Variants in SGCG observed in about 807,000 individuals in gnomAD.
SGCG encodes the protein gamma-sarcoglycan.
SGCG carries 26 observed loss-of-function variants against 29.3 expected under a neutral mutation model. That is an observed-to-expected ratio of 0.89 (90% confidence interval 0.65 to 1.23). The LOEUF (loss-of-function observed/expected upper bound fraction) is 1.23. Among genes scored for constraint, SGCG ranks in the 50% most tolerant of loss-of-function variants. The probability of loss-of-function intolerance (pLI) is 0.00; values close to 1 mark genes in which losing one functional copy is unlikely to be tolerated. For missense variants in SGCG, 353 were observed against 356.0 expected (o/e 0.99, Z 0.07); for synonymous variants, 145 against 129.7 (o/e 1.12, Z -0.80).
chr13:23,320,858 G>GT, intron 7 of SGCG, 98 bp downstream of exon 7: 1 of 1,301,126 alleles, frequency 7.7e-7, no homozygotes, highest in Non-Finnish European at 1.1e-6. Context: ...CTAGTAGTTT[G>GT]TAGGAAAACA....
Position 23,272,370 on chromosome 13 carries a change from C to T in SGCG, c.386-6989C>T, listed in dbSNP as rs1308653237. Among the ~76,000 whole-genome samples the T allele has an allele frequency of 3.9e-5, 6 of 152,272 alleles. No homozygotes were observed. In the East Asian group the frequency reaches 1.2e-3, roughly 29 times the overall value. ...AATGTTCATTGATCATAAATGTGTG[C>T]TGAATTTTGCCAAATACTTTTTCAG... On this transcript the variant is annotated intron_variant, in intron 4 of 7. Coordinates refer to ENST00000218867, the MANE Select transcript of SGCG (RefSeq NM_000231.3).
chr13:23,230,413 T>C (rs1420274144), intron 2 of SGCG, among the ~76,000 whole-genome samples: 2 of 152,232 alleles, frequency 1.3e-5, no homozygotes, highest in African/African-American at 2.4e-5. Flanking sequence ...TTCCTATCCA[T>C]GAGCATGGAA....
intron 6 of SGCG, among the ~76,000 whole-genome samples, chr13:23,296,701 T>A (rs1416979532): frequency 6.6e-6 from 1 of 152,154 alleles, no homozygotes; most frequent in Non-Finnish European, 1.5e-5. Flanking sequence ...TTGTGCCTAG[T>A]TTATCCGACT....
intron 6 of SGCG, among the ~76,000 whole-genome samples, chr13:23,299,443 TATATATATATA>T (rs1882051431): frequency 4.3e-4 from 10 of 23,052 alleles, no homozygotes; most frequent in East Asian, 1.4e-3. Flanking sequence ...TATATATATA[TATATATATATA>T]TATTTTTTTT....
chr13:23,203,778 T>G lies in SGCG; in HGVS notation c.84T>G (p.Ile28Met), dbSNP rs1031067187. The G allele has an allele frequency of 3.1e-6, 5 of 1,613,892 alleles. No individual in the cohort carries two copies. The African/African-American group carries it at 6.7e-5, about 22-fold the overall frequency. ...ATCAGTATGTCTACAAAATTGGCAT[T>G]TATGGCTGGAGAAAGCGCTGTCTCT... ...PENQYVYKIG[I>M]YGWRKRCLYL... The change falls in exon 2 of 8, where the codon ATT becomes ATG. Residue 28 changes from isoleucine (I) to methionine (M), a missense_variant. Ile to Met is a conservative substitution (Grantham distance 10). Transcript: ENST00000218867.
At position 23,287,060 on chromosome 13, in the gene SGCG, G is replaced by C. The variant is rs530565065; in HGVS notation, c.505+7582G>C. ...CCACTAGGGTAGGCAGAATTCTAAG[G>C]ATGCCCCCACTGAGCCCTGTATATT... On this transcript the variant is annotated intron_variant, in intron 5 of 7. Transcript: ENST00000218867. Among the ~76,000 whole-genome samples the C allele has an allele frequency of 2.6e-5, 4 of 152,310 alleles. No homozygotes were observed. In the South Asian group the frequency reaches 8.3e-4, roughly 32 times the overall value.
At chr13:23,219,748 A>AT (rs1412037977) in intron 2 of SGCG, among the ~76,000 whole-genome samples, 6 of 65,134 alleles carry the variant, frequency 9.2e-5, no homozygotes, top group African/African-American at 2.7e-4. Flanking sequence ...ATACACAATT[A>AT]TTATTTTTTT....
intron 3 of SGCG, among the ~76,000 whole-genome samples, 181 bp downstream of exon 3, chr13:23,234,893 AT>A (rs1399574409): frequency 1.3e-5 from 2 of 152,326 alleles, no homozygotes; most frequent in Admixed American, 6.5e-5. Context: ...CCTTCTAAAA[AT>A]ATTTCAATTT....
intron 6 of SGCG, among the ~76,000 whole-genome samples, chr13:23,317,012 C>T (rs1251679083): frequency 6.6e-6 from 1 of 152,090 alleles, no homozygotes; most frequent in African/African-American, 2.4e-5. Context: ...TGAGACCATC[C>T]TGGCTAACAC....
intron 2 of SGCG, among the ~76,000 whole-genome samples, chr13:23,217,841 T>G (rs1293657386): frequency 6.6e-6 from 1 of 152,010 alleles, no homozygotes; most frequent in Non-Finnish European, 1.5e-5. Context: ...AAATCAACCC[T>G]ACTCAATGGC....
At position 23,244,820 on chromosome 13, in the gene SGCG, TA is replaced by T. The variant is rs1340096514; in HGVS notation, c.298-5807del. 8.5e-5 allele frequency: 13 copies of T among 152,218 alleles called. No homozygotes were observed. In the East Asian group the frequency reaches 2.5e-3, roughly 29 times the overall value. 9.4% of individuals were successfully genotyped at this position (152,218 alleles called of 1,614,324 possible). A position where few individuals can be genotyped will look rare whatever the true frequency, so the allele number is the denominator to read the frequency against. On this transcript the variant is annotated intron_variant, in intron 3 of 7. Coordinates refer to ENST00000218867, the MANE Select transcript of SGCG (RefSeq NM_000231.3). ...ATCTCTAGAACACCAAGAACTGTGATAAAGAGTTGAAAAAAGGAGGAAACAT... is the reference window on the plus strand; with the variant it reads ...ATCTCTAGAACACCAAGAACTGTGATAAGAGTTGAAAAAAGGAGGAAACAT...
intron 5 of SGCG, among the ~76,000 whole-genome samples, chr13:23,281,882 C>CG (rs1285740708): frequency 3.9e-5 from 6 of 152,182 alleles, no homozygotes; most frequent in African/African-American, 1.4e-4. Flanking sequence ...GGCCAGTATC[C>CG]GTCTATGGCC....
Position 23,292,260 on chromosome 13 carries a change from C to T in SGCG, c.506-3155C>T, listed in dbSNP as rs147208475. On this transcript the variant is annotated intron_variant, in intron 5 of 7. Transcript: ENST00000218867. ...GAATAGCTGGGATTACAGGCGTGCGCCACCACACCTGGCTAATTTTTGTAT... is the reference window on the plus strand; with the variant it reads ...GAATAGCTGGGATTACAGGCGTGCGTCACCACACCTGGCTAATTTTTGTAT... 6.6e-4 allele frequency among the ~76,000 whole-genome samples: 101 copies of T among 152,310 alleles called. 3 individuals are homozygous for T. The East Asian group carries it at 0.017, about 25-fold the overall frequency.
intron 4 of SGCG, among the ~76,000 whole-genome samples, chr13:23,252,930 C>T (rs947815361): frequency 6.6e-6 from 1 of 152,174 alleles, no homozygotes; most frequent in African/African-American, 2.4e-5. Flanking sequence ...GCTTACTTCT[C>T]TCAGCCAGCT....
chr13:23,309,400 C>G (rs1027710638), intron 6 of SGCG, among the ~76,000 whole-genome samples: 1 of 152,096 alleles, frequency 6.6e-6, no homozygotes, highest in African/African-American at 2.4e-5. Context: ...CACCACCATA[C>G]CCAGCTTAGT....
intron 5 of SGCG, among the ~76,000 whole-genome samples, chr13:23,281,464 C>T: frequency 6.6e-6 from 1 of 151,994 alleles, no homozygotes; most frequent in South Asian, 2.1e-4. Flanking sequence ...TAGAGAGTCC[C>T]CAGTTGCTGC....
intron 3 of SGCG, among the ~76,000 whole-genome samples, chr13:23,247,480 T>C (rs777951805): frequency 3.9e-5 from 6 of 152,088 alleles, no homozygotes; most frequent in Non-Finnish European, 7.4e-5. Flanking sequence ...AGAAGAGAGT[T>C]TGATAGAATA....
At chr13:23,259,412 G>A (rs1453766774) in intron 4 of SGCG, among the ~76,000 whole-genome samples, 11 of 151,834 alleles carry the variant, frequency 7.2e-5, no homozygotes, top group East Asian at 3.9e-4. Context: ...TTTTTATTGC[G>A]TCTATTTGAT....
intron 6 of SGCG, among the ~76,000 whole-genome samples, chr13:23,314,382 T>TTATATATATATATATATATATGTA: frequency 1.3e-5 from 1 of 78,600 alleles, no homozygotes; most frequent in South Asian, 6.5e-4. Flanking sequence ...CTGCTATAGG[T>TTATATATATATATATATATATGTA]TATATATATA....
Sources: gnomAD v4.1 joint callset for allele counts (sites outside exome capture counted in the v4.1 genomes callset) on GRCh38, gnomAD v4.1.1 for gene constraint, MANE v1.5 for transcripts, NCBI Gene and HGNC (gene_info 2026-07-23, HGNC 2026-07-21) for gene names.